MREG: variants seen among roughly 807,000 people sequenced by gnomAD.
MREG encodes the protein dilute suppressor protein homolog.
Under a neutral mutation model 28.5 loss-of-function variants are expected in MREG, and 31 were observed. The ratio of observed to expected loss-of-function variants is 1.09; its 90% CI spans 0.82 to 1.47. The LOEUF is 1.47. MREG is among the 40% of genes most tolerant of loss of function. The pLI, the probability that MREG is intolerant of heterozygous loss-of-function variation, is 0.00. For missense variants in MREG, 256 were observed against 257.4 expected (o/e 0.99, Z 0.04); for synonymous variants, 106 against 95.2 (o/e 1.11, Z -0.66).
intron 2 of MREG, among the ~76,000 whole-genome samples, chr2:215,981,933 T>C (rs1014023273): frequency 6.6e-6 from 1 of 152,240 alleles, no homozygotes; most frequent in Non-Finnish European, 1.5e-5. Flanking sequence ...GCAGAATTGC[T>C]AATGATGCTG....
intron 1 of MREG, among the ~76,000 whole-genome samples, chr2:216,004,997 C>T (rs991384978): frequency 3.9e-5 from 6 of 151,986 alleles, no homozygotes; most frequent in Non-Finnish European, 8.8e-5. Flanking sequence ...AGTGCAGAGG[C>T]GCTGAGGCAG....
downstream of MREG, among the ~76,000 whole-genome samples, chr2:215,942,263 A>T (rs1178795718): frequency 4.0e-5 from 6 of 148,732 alleles, no homozygotes; most frequent in African/African-American, 5.2e-5. Flanking sequence ...GTAAGAATAT[A>T]AAAAAAAATG....
In MREG at chr2:216,013,214, G is replaced by A. The variant is rs1559199014; in HGVS notation, c.95+19C>T. 6.5e-7 allele frequency: 1 copy of A among 1,546,908 alleles called. No homozygotes were observed. The highest frequency in any genetic ancestry group is 8.7e-7 in the Non-Finnish European group (1 of 1,145,518). On this transcript the variant is annotated intron_variant, in intron 1 of 4. Coordinates refer to ENST00000263268, the MANE Select transcript of MREG (RefSeq NM_018000.3). The stretch of plus-strand genomic sequence containing the variant: ...ACGGCCCAGGTAAGCCCAGATCCCG[G>A]CCCGGGCGGCGCACCCACCTGACGA...
At chr2:215,945,482 G>C (rs1692295037) in intron 4 of MREG, 89 bp downstream of exon 4, 4 of 1,446,988 alleles carry the variant, frequency 2.8e-6, no homozygotes, top group Admixed American at 2.0e-5. Context: ...TAGTGATGGT[G>C]GTGTTGGAAT....
At chr2:216,028,824 A>C (rs1407030395) in intron 1 of MREG, among the ~76,000 whole-genome samples, 2 of 152,116 alleles carry the variant, frequency 1.3e-5, no homozygotes, top group Non-Finnish European at 2.9e-5. Context: ...AATTGTCTAT[A>C]ACAACAGTAG....
chr2:215,974,804 A>C (rs1341667578), intron 2 of MREG, among the ~76,000 whole-genome samples: 2 of 142,126 alleles, frequency 1.4e-5, no homozygotes, highest in African/African-American at 5.1e-5. Context: ...GTTCCTAAAC[A>C]CAGACACAGA....
At chr2:216,019,908 C>T (rs952686453) in intron 1 of MREG, among the ~76,000 whole-genome samples, 18 of 152,190 alleles carry the variant, frequency 1.2e-4, no homozygotes, top group African/African-American at 4.1e-4. Context: ...TCTTCAGTTC[C>T]AAGCAACAAA....
chr2:216,024,316 C>T (rs978234467), intron 1 of MREG, among the ~76,000 whole-genome samples: 1 of 152,050 alleles, frequency 6.6e-6, no homozygotes, highest in Non-Finnish European at 1.5e-5. Flanking sequence ...GCAGGCAGAT[C>T]ACCTGAAGTC....
chr2:215,990,850 C>T (rs549717087), intron 2 of MREG, among the ~76,000 whole-genome samples: 2 of 152,238 alleles, frequency 1.3e-5, no homozygotes, highest in South Asian at 4.2e-4. Context: ...GCTAACTATC[C>T]TAAATATGTA....
chr2:216,019,392 G>T (rs1395367412), intron 1 of MREG, among the ~76,000 whole-genome samples: 1 of 151,776 alleles, frequency 6.6e-6, no homozygotes, highest in Admixed American at 6.6e-5. Context: ...TTTTATTTCT[G>T]TTTCTCTGCT....
intron 2 of MREG, among the ~76,000 whole-genome samples, chr2:215,955,603 G>A (rs916392750): frequency 2.0e-4 from 30 of 152,298 alleles, no homozygotes; most frequent in African/African-American, 6.7e-4. Context: ...CTTTGAATAC[G>A]ATGACTGTTG....
chr2:215,939,721 G>A (rs1692173806), downstream of MREG: 1 of 152,100 alleles, frequency 6.6e-6, no homozygotes, highest in Non-Finnish European at 1.5e-5. Context: ...TAAACTTTCG[G>A]ATACAAATTT....
At chr2:216,020,742 G>A (rs886428964) in intron 1 of MREG, among the ~76,000 whole-genome samples, 1 of 152,230 alleles carries the variant, frequency 6.6e-6, no homozygotes, top group Non-Finnish European at 1.5e-5. Context: ...CAAGCATGGT[G>A]TGTGTATCCA....
chr2:216,031,647 A>AAAAGAAAGAAAGAAAG (rs200929112), intron 1 of MREG, among the ~76,000 whole-genome samples: 1,158 of 98,006 alleles, frequency 0.012, 12 homozygotes, highest in East Asian at 0.019. Flanking sequence ...AAGGAAGAAG[A>AAAAGAAAGAAAGAAAG]AAAGAAAGAA....
chr2:216,009,778 C>T (rs141800140), intron 1 of MREG, among the ~76,000 whole-genome samples: 7,102 of 152,166 alleles, frequency 0.047, 194 homozygotes, highest in Middle Eastern at 0.085. Flanking sequence ...TCAGGTGATT[C>T]GCCTGCCTCG....
At chr2:216,011,518 A>G (rs1694310535) in intron 1 of MREG, among the ~76,000 whole-genome samples, 1 of 152,156 alleles carries the variant, frequency 6.6e-6, no homozygotes, top group Admixed American at 6.5e-5. Flanking sequence ...TATCATCCCC[A>G]TTTTACAGAT....
At chr2:215,967,937 A>T (rs1184517273) in intron 2 of MREG, among the ~76,000 whole-genome samples, 1 of 152,214 alleles carries the variant, frequency 6.6e-6, no homozygotes, top group Admixed American at 6.5e-5. Context: ...CAGTGCATGC[A>T]TCTTCCTCAA....
intron 1 of MREG, among the ~76,000 whole-genome samples, chr2:216,007,402 A>ATTTT (rs869179753): frequency 1.7e-5 from 2 of 118,514 alleles, no homozygotes; most frequent in African/African-American, 6.3e-5. Flanking sequence ...ACTTAGCAAC[A>ATTTT]TTTTATTTAT....
intron 2 of MREG, among the ~76,000 whole-genome samples, chr2:215,951,305 T>C (rs952210596): frequency 6.6e-6 from 1 of 152,220 alleles, no homozygotes; most frequent in Non-Finnish European, 1.5e-5. Flanking sequence ...ACTCCGCTAC[T>C]CCCTGGCGTT....
Sources: gnomAD v4.1 joint callset for allele counts (sites outside exome capture counted in the v4.1 genomes callset) on GRCh38, gnomAD v4.1.1 for gene constraint, MANE v1.5 for transcripts, NCBI Gene and HGNC (gene_info 2026-07-23, HGNC 2026-07-21) for gene names.